The following EPHA6 variants were observed in gnomAD, a reference collection of about 807,000 sequenced individuals.
The protein encoded by EPHA6 is ephrin type-A receptor 6.
Under a neutral mutation model 112.0 loss-of-function variants are expected in EPHA6, and 50 were observed. The observed-to-expected ratio is 0.45, with a 90% CI of 0.36 to 0.56. The LOEUF (loss-of-function observed/expected upper bound fraction) is 0.56, where lower values mean the gene tolerates loss of function less well. EPHA6 is among the 20% of genes least tolerant of loss of function. The pLI is 0.00. For synonymous variants in EPHA6, 529 were observed against 490.7 expected (o/e 1.08, Z -1.03); for missense variants, 1,280 against 1,417.4 (o/e 0.90, Z 1.56).
intron 4 of EPHA6, among the ~76,000 whole-genome samples, chr3:97,238,648 T>G (rs1174633207): frequency 6.6e-6 from 1 of 151,918 alleles, no homozygotes; most frequent in African/African-American, 2.4e-5. Context: ...CCCTTACAGT[T>G]AGCTATATTT....
intron 2 of EPHA6, among the ~76,000 whole-genome samples, chr3:96,981,743 G>C (rs2042795665): frequency 6.6e-6 from 1 of 151,956 alleles, no homozygotes; most frequent in East Asian, 1.9e-4. Context: ...CTTGTTGTTG[G>C]TCCATTCAGA....
intron 6 of EPHA6, among the ~76,000 whole-genome samples, chr3:97,418,520 C>T (rs189075294): frequency 1.8e-4 from 27 of 152,162 alleles, no homozygotes; most frequent in African/African-American, 6.3e-4. Flanking sequence ...AGCTGTCTTA[C>T]CACAATAGAA....
At chr3:97,606,482 A>C (rs1402200990) in intron 12 of EPHA6, among the ~76,000 whole-genome samples, 1 of 151,334 alleles carries the variant, frequency 6.6e-6, no homozygotes, top group Non-Finnish European at 1.5e-5. Flanking sequence ...CCAATGTCAC[A>C]AAAGGGTTTC....
chr3:97,425,929 C>T (rs184616151), intron 6 of EPHA6, among the ~76,000 whole-genome samples: 19 of 152,246 alleles, frequency 1.2e-4, no homozygotes, highest in Admixed American at 1.2e-3. Context: ...ACTCCAGTTT[C>T]CAAGAAGTTC....
chr3:97,448,814 A>G, intron 7 of EPHA6, 84 bp downstream of exon 7: 1 of 1,324,394 alleles, frequency 7.6e-7, no homozygotes. Flanking sequence ...CAGGTGTCCC[A>G]AGTTTTTAAT....
chr3:97,747,716 A>C, intron 17 of EPHA6, 144 bp downstream of exon 17: 1 of 593,534 alleles, frequency 1.7e-6, no homozygotes, highest in Non-Finnish European at 2.5e-6. Flanking sequence ...TTCTAGTGGA[A>C]GTTGGACATT....
At chr3:96,866,581 G>A (rs919692134) in intron 1 of EPHA6, among the ~76,000 whole-genome samples, 2 of 151,560 alleles carry the variant, frequency 1.3e-5, no homozygotes, top group Non-Finnish European at 3.0e-5. Context: ...ATTTCATTTA[G>A]CATTGTTTAA....
rs144249783 is a variant in EPHA6 at position 97,565,568 on chromosome 3, T to G, written c.2387-27044T>G. 3.3e-5 allele frequency among the ~76,000 whole-genome samples: 5 copies of G among 152,316 alleles called. No individual in the cohort carries two copies. In the East Asian group the frequency reaches 9.6e-4, roughly 29 times the overall value. ...ATATTTTCTCAAATGTATTAACATTTTAAAATTTCAAGTTCTTGCCACTGA... is the reference window on the plus strand; with the variant it reads ...ATATTTTCTCAAATGTATTAACATTGTAAAATTTCAAGTTCTTGCCACTGA... On this transcript the variant is annotated intron_variant, in intron 11 of 17. Transcript: ENST00000389672.
chr3:97,429,164 T>C lies in EPHA6; in HGVS notation c.1732-19404T>C, dbSNP rs2089345670. ...CCAAGGAAACGCTTTGGGAAATGAT[T>C]TAAGCCAAACCTTTCCTGAGTTTCC... On this transcript the variant is annotated intron_variant, in intron 6 of 17. Transcript: ENST00000389672. 5.3e-5 allele frequency among the ~76,000 whole-genome samples: 8 copies of C among 152,310 alleles called. No homozygotes were observed. The South Asian group carries it at 1.7e-3, about 32-fold the overall frequency.
chr3:97,426,841 A>G (rs1292860690), intron 6 of EPHA6, among the ~76,000 whole-genome samples: 3 of 152,210 alleles, frequency 2.0e-5, no homozygotes, highest in African/African-American at 4.8e-5. Flanking sequence ...ACTTACACAA[A>G]TTAACAGGCG....
At chr3:97,418,007 C>T (rs1356782393) in intron 6 of EPHA6, among the ~76,000 whole-genome samples, 27 of 151,982 alleles carry the variant, frequency 1.8e-4, no homozygotes, top group Non-Finnish European at 2.9e-5. Context: ...ATCCCAAGGA[C>T]TTTTGATGCG....
intron 6 of EPHA6, among the ~76,000 whole-genome samples, chr3:97,430,431 T>C (rs891621370): frequency 6.6e-6 from 1 of 152,036 alleles, no homozygotes; most frequent in Admixed American, 6.6e-5. Context: ...AAATATAAAA[T>C]ATCTTAGAGT....
At chr3:97,387,774 T>C (rs1251281160) in intron 5 of EPHA6, among the ~76,000 whole-genome samples, 2 of 152,206 alleles carry the variant, frequency 1.3e-5, no homozygotes. Context: ...ATTTTCTGTA[T>C]TAATCCATTC....
intron 3 of EPHA6, among the ~76,000 whole-genome samples, chr3:97,181,938 T>C (rs1185916549): frequency 7.2e-5 from 11 of 152,098 alleles, no homozygotes; most frequent in Non-Finnish European, 1.5e-5. Context: ...AACATTATGA[T>C]TCATCTGGGA....
chr3:97,704,286 G>A (rs2033557520), intron 14 of EPHA6, among the ~76,000 whole-genome samples: 1 of 152,170 alleles, frequency 6.6e-6, no homozygotes, highest in Non-Finnish European at 1.5e-5. Flanking sequence ...AGACAGCAAA[G>A]AAGATCTGCC....
intron 14 of EPHA6, among the ~76,000 whole-genome samples, chr3:97,652,022 G>C (rs1014490034): frequency 6.6e-6 from 1 of 151,868 alleles, no homozygotes; most frequent in Non-Finnish European, 1.5e-5. Flanking sequence ...TAGTAGTCCC[G>C]AGTGTCTATT....
chr3:97,610,798 C>T lies in EPHA6; in HGVS notation c.2518C>T (p.Pro840Ser). The change falls in exon 13 of 18, where the codon CCA (proline) becomes TCA (serine). Residue 840 changes from proline to serine, a missense_variant. Transcript: ENST00000389672. ...ATTCTCTTGCTCTTTTGCAGGCAGA[C>T]CAGTAATGATTGTGGTGGAATATAT... ...SLPPRIPAGR[P>S]VMIVVEYMEN... The T allele has an allele frequency of 2.5e-6, 4 of 1,611,340 alleles. No homozygotes were observed. Among genetic ancestry groups the T allele is most frequent in the Non-Finnish European group, 2.5e-6 (3 of 1,178,246 alleles).
chr3:96,840,758 T>G (rs2034696711), intron 1 of EPHA6, among the ~76,000 whole-genome samples: 1 of 152,014 alleles, frequency 6.6e-6, no homozygotes, highest in Admixed American at 6.6e-5. Context: ...AATCTGAATT[T>G]AGTAAAGTTG....
At chr3:97,154,522 A>G (rs1320668057) in intron 3 of EPHA6, among the ~76,000 whole-genome samples, 2 of 152,176 alleles carry the variant, frequency 1.3e-5, no homozygotes, top group Non-Finnish European at 2.9e-5. Flanking sequence ...ATGTTATAAT[A>G]TACATTACAT....
Sources: gnomAD v4.1 joint callset for allele counts (sites outside exome capture counted in the v4.1 genomes callset) on GRCh38, gnomAD v4.1.1 for gene constraint, MANE v1.5 for transcripts, NCBI Gene and HGNC (gene_info 2026-07-23, HGNC 2026-07-21) for gene names.